Variants in PCDH15 observed in about 807,000 individuals in gnomAD.
The protein encoded by PCDH15 is protocadherin-15.
In PCDH15, 129 loss-of-function variants were observed where a neutral mutation model predicts 178.5. The observed-to-expected ratio is 0.72, with a 90% confidence interval of 0.63 to 0.84. The LOEUF (loss-of-function observed/expected upper bound fraction) is 0.84. Ranked by LOEUF, PCDH15 falls within the 40% of genes least tolerant of loss-of-function variation. The probability of loss-of-function intolerance (pLI) is 0.00; values close to 1 mark genes in which losing one functional copy is unlikely to be tolerated. For missense variants in PCDH15, 2,230 were observed against 2,099.9 expected, an observed-to-expected ratio of 1.06 and a Z score of -1.21; for synonymous variants, 800 against 732.0, an observed-to-expected ratio of 1.09 and a Z score of -1.50.
At chr10:54,259,858 GA>G (rs2057184507) in intron 8 of PCDH15, among the ~76,000 whole-genome samples, 1 of 152,048 alleles carries the variant, frequency 6.6e-6, no homozygotes, top group African/African-American at 2.4e-5. Flanking sequence ...TCCCTTCCAG[GA>G]AAAAGATAAA....
rs533226797 is a variant in PCDH15 at position 54,187,826 on chromosome 10, G to A, written c.1306-2558C>T. Among the ~76,000 whole-genome samples the A allele has an allele frequency of 9.9e-5, 15 of 151,662 alleles. No homozygotes were observed. The South Asian group carries it at 1.7e-3, about 17-fold the overall frequency. The stretch of plus-strand genomic sequence containing the variant: ...ATAAATGCTACTGGTAAATATCCTC[G>A]TATTAATTTAAGTAAAAAAATTTAG... On this transcript the variant is annotated intron_variant, in intron 11 of 37. Transcript: ENST00000644397.
intron 1 of PCDH15, among the ~76,000 whole-genome samples, chr10:54,679,053 G>A (rs1318130453): frequency 1.3e-5 from 2 of 151,658 alleles, no homozygotes; most frequent in Non-Finnish European, 2.9e-5. Context: ...AGCCGGGCGT[G>A]TTGGCGGGCG....
intron 18 of PCDH15, among the ~76,000 whole-genome samples, chr10:54,036,488 C>A (rs1223965022): frequency 2.2e-5 from 2 of 90,660 alleles, no homozygotes; most frequent in Non-Finnish European, 3.3e-5. Flanking sequence ...AATAACAATG[C>A]CTAATAAAAG....
At chr10:54,381,092 A>G (rs534265714) in intron 3 of PCDH15, among the ~76,000 whole-genome samples, 2 of 152,056 alleles carry the variant, frequency 1.3e-5, no homozygotes, top group South Asian at 4.1e-4. Flanking sequence ...AAATTTTCAT[A>G]TACAAGCTTG....
At chr10:53,824,112 C>T (rs916467492) in intron 32 of PCDH15, among the ~76,000 whole-genome samples, 13 of 149,858 alleles carry the variant, frequency 8.7e-5, no homozygotes, top group South Asian at 8.5e-4. Context: ...TCAAATTTTA[C>T]TTAAAACTCA....
chr10:55,408,615 GAAGT>G (rs1308550618), intron 2 of PCDH15, among the ~76,000 whole-genome samples: 1 of 152,102 alleles, frequency 6.6e-6, no homozygotes, highest in Non-Finnish European at 1.5e-5. Flanking sequence ...TTAAAATATT[GAAGT>G]AAGATTTATG....
At chr10:54,573,219 T>C (rs1255108093) in intron 2 of PCDH15, among the ~76,000 whole-genome samples, 6 of 152,150 alleles carry the variant, frequency 3.9e-5, no homozygotes, top group Admixed American at 3.9e-4. Context: ...TTGCCTATTA[T>C]ACTCCAAATG....
chr10:54,061,027 C>T (rs2094002693), intron 18 of PCDH15, among the ~76,000 whole-genome samples: 1 of 152,024 alleles, frequency 6.6e-6, no homozygotes, highest in Non-Finnish European at 1.5e-5. Context: ...TTATATCATG[C>T]TCTGCTGTTG....
At chr10:55,183,306 A>G (rs1403338628) in intron 1 of PCDH15, among the ~76,000 whole-genome samples, 1 of 151,992 alleles carries the variant, frequency 6.6e-6, no homozygotes, top group Non-Finnish European at 1.5e-5. Context: ...TCCTGATATA[A>G]AAACATAGTA....
At chr10:54,077,224 A>C (rs926433870) in intron 17 of PCDH15, among the ~76,000 whole-genome samples, 2 of 152,178 alleles carry the variant, frequency 1.3e-5, no homozygotes, top group African/African-American at 2.4e-5. Flanking sequence ...TTAAAGCAAA[A>C]TGAAACCTGA....
At chr10:55,570,433 A>G (rs1417027240) in intron 2 of PCDH15, among the ~76,000 whole-genome samples, 3 of 151,970 alleles carry the variant, frequency 2.0e-5, no homozygotes, top group Non-Finnish European at 4.4e-5. Flanking sequence ...TATTACTAAA[A>G]TATTCATTTA....
rs1312587833 is a variant in PCDH15 at position 54,849,192 on chromosome 10, G to GA, written c.-29+48257dup. 1.3e-3 allele frequency among the ~76,000 whole-genome samples: 196 copies of GA among 150,536 alleles called. 2 individuals are homozygous for GA. Among genetic ancestry groups the GA allele is most frequent in the African/African-American group, 4.1e-3 (168 of 41,000 alleles). Reference sequence around the variant, plus strand: ...AATTTCACCTTCTTCTTTCTTCAATGAAAAAAAAACTACGCTTTCTGAATT... The same window carrying GA: ...AATTTCACCTTCTTCTTTCTTCAATGAAAAAAAAAACTACGCTTTCTGAATT... On this transcript the variant is annotated intron_variant, in intron 3 of 5. Coordinates refer to the PCDH15 transcript ENST00000458638.
intron 2 of PCDH15, among the ~76,000 whole-genome samples, chr10:55,533,978 G>C (rs1195123693): frequency 1.3e-5 from 2 of 151,994 alleles, no homozygotes; most frequent in East Asian, 3.9e-4. Context: ...GCAAGCAATG[G>C]GGAATGGACT....
intron 14 of PCDH15, 79 bp from the exon 15 acceptor site, chr10:54,133,086 G>A: frequency 1.3e-6 from 2 of 1,592,546 alleles, no homozygotes; most frequent in Non-Finnish European, 1.7e-6. Context: ...TTATTCAGTT[G>A]TTGGGTTTAC....
intron 2 of PCDH15, among the ~76,000 whole-genome samples, chr10:54,582,254 A>C (rs1029690153): frequency 6.6e-6 from 1 of 152,108 alleles, no homozygotes; most frequent in African/African-American, 2.4e-5. Flanking sequence ...TAACCCTATT[A>C]AAAAGTGGGC....
At chr10:55,154,450 A>G (rs990884905) in intron 2 of PCDH15, among the ~76,000 whole-genome samples, 6 of 152,180 alleles carry the variant, frequency 3.9e-5, no homozygotes, top group Non-Finnish European at 7.3e-5. Flanking sequence ...ACAAATATAA[A>G]TAGGCTCACA....
chr10:54,874,244 T>C lies in PCDH15; in HGVS notation c.-29+23206A>G, dbSNP rs1214853890. On this transcript the variant is annotated intron_variant, in intron 3 of 5. Coordinates refer to the PCDH15 transcript ENST00000458638. ...GGTGTTTGGTTTTTTGTTCTTGCGA[T>C]AGTTTACTGAGAATGATGATTTCCA... is the stretch of plus-strand genomic sequence containing the variant. Among the ~76,000 whole-genome samples the C allele has an allele frequency of 1.1e-4, 15 of 142,156 alleles. No homozygotes were observed. The East Asian group carries it at 2.9e-3, about 27-fold the overall frequency. 93.3% of individuals were successfully genotyped at this position (142,156 alleles called of 152,430 possible).
intron 18 of PCDH15, among the ~76,000 whole-genome samples, chr10:54,063,057 C>T (rs182038849): frequency 3.9e-5 from 6 of 152,196 alleles, no homozygotes; most frequent in South Asian, 2.1e-4. Context: ...TTAATAAAGA[C>T]GATTACATTA....
At chr10:54,608,119 G>A (rs1228390816) in intron 2 of PCDH15, among the ~76,000 whole-genome samples, 2 of 152,030 alleles carry the variant, frequency 1.3e-5, no homozygotes, top group East Asian at 3.9e-4. Flanking sequence ...GCATAGCCCT[G>A]AGGGGATTTC....
Sources: allele counts gnomAD v4.1 joint callset (sites outside exome capture counted in the v4.1 genomes callset), GRCh38; gene constraint gnomAD v4.1.1; transcripts MANE v1.5; gene names NCBI Gene and HGNC (gene_info 2026-07-23, HGNC 2026-07-21).